Variants in CADM2 observed in about 807,000 individuals in gnomAD.
CADM2 encodes cell adhesion molecule 2.
CADM2 carries 12 observed loss-of-function variants against 49.8 expected under a neutral mutation model. That is an observed-to-expected ratio of 0.24 (90% CI 0.15 to 0.39). The LOEUF (loss-of-function observed/expected upper bound fraction) is 0.39. Ranked by LOEUF, CADM2 falls within the 10% of genes least tolerant of loss-of-function variation. The pLI is 1.00. For missense variants in CADM2, 378 were observed against 492.3 expected (o/e 0.77, Z 2.20); for synonymous variants, 214 against 175.4 (o/e 1.22, Z -1.74).
intron 1 of CADM2, among the ~76,000 whole-genome samples, chr3:85,390,477 A>G (rs781120407): frequency 2.0e-5 from 3 of 152,088 alleles, no homozygotes; most frequent in Non-Finnish European, 4.4e-5. Flanking sequence ...GAACTCTGCT[A>G]CAGTCTAACA....
chr3:85,711,258 T>A (rs577229950), intron 1 of CADM2, among the ~76,000 whole-genome samples: 1 of 152,250 alleles, frequency 6.6e-6, no homozygotes, highest in South Asian at 2.1e-4. Flanking sequence ...ATCCCTGTGC[T>A]GGGACTTTGA....
intron 8 of CADM2, among the ~76,000 whole-genome samples, chr3:85,969,493 G>T (rs1725848313): frequency 6.6e-6 from 1 of 151,048 alleles, no homozygotes; most frequent in Admixed American, 6.6e-5. Context: ...TCTCAGTGAG[G>T]CCTTTTTTTT....
chr3:85,598,585 G>C (rs1467281719), intron 1 of CADM2, among the ~76,000 whole-genome samples: 1 of 151,694 alleles, frequency 6.6e-6, no homozygotes, highest in Non-Finnish European at 1.5e-5. Context: ...AAACACCACT[G>C]CTCTGGTAAT....
intron 1 of CADM2, among the ~76,000 whole-genome samples, chr3:85,069,197 G>C (rs1416841247): frequency 6.6e-6 from 1 of 151,678 alleles, no homozygotes; most frequent in African/African-American, 2.4e-5. Flanking sequence ...AAAAAAAAAA[G>C]ATTTGATACT....
intron 1 of CADM2, among the ~76,000 whole-genome samples, chr3:85,581,523 C>T (rs1207159594): frequency 6.6e-6 from 1 of 151,440 alleles, no homozygotes; most frequent in Non-Finnish European, 1.5e-5. Context: ...ATGCTTCAAG[C>T]TATCGAGTCA....
At chr3:85,053,419 G>T (rs1013539272) in intron 1 of CADM2, among the ~76,000 whole-genome samples, 6 of 151,868 alleles carry the variant, frequency 4.0e-5, no homozygotes, top group Non-Finnish European at 7.4e-5. Context: ...GAATTTGAAG[G>T]AAATAAAACA....
At chr3:85,160,931 T>C (rs2040303208) in intron 1 of CADM2, among the ~76,000 whole-genome samples, 1 of 152,222 alleles carries the variant, frequency 6.6e-6, no homozygotes, top group Admixed American at 6.5e-5. Context: ...CCCTATCTTA[T>C]CAGCCAGTTT....
At chr3:85,400,837 G>A (rs1576486162) in intron 1 of CADM2, among the ~76,000 whole-genome samples, 1 of 152,072 alleles carries the variant, frequency 6.6e-6, no homozygotes, top group African/African-American at 2.4e-5. Context: ...ACTTTCCAGG[G>A]CAGCCATGGC....
At chr3:85,015,428 A>G (rs1576038090) in intron 1 of CADM2, among the ~76,000 whole-genome samples, 1 of 152,176 alleles carries the variant, frequency 6.6e-6, no homozygotes, top group South Asian at 2.1e-4. Flanking sequence ...TTAAGTTTCA[A>G]TGCATCTCAA....
intron 1 of CADM2, among the ~76,000 whole-genome samples, chr3:85,539,121 C>T (rs74536028): frequency 2.4e-3 from 345 of 141,524 alleles, no homozygotes; most frequent in African/African-American, 7.4e-3. Flanking sequence ...ATTTAAATGA[C>T]AATTATTTAG....
At chr3:85,457,253 A>T (rs182595278) in intron 1 of CADM2, among the ~76,000 whole-genome samples, 20 of 152,110 alleles carry the variant, frequency 1.3e-4, no homozygotes, top group African/African-American at 4.8e-4. Flanking sequence ...TCTCTACAAA[A>T]TACATAAAAT....
chr3:85,717,247 C>A (rs2067325928), intron 1 of CADM2, among the ~76,000 whole-genome samples: 1 of 148,302 alleles, frequency 6.7e-6, no homozygotes, highest in Admixed American at 6.8e-5. Context: ...TATTTATTCT[C>A]TTTGTGGCAA....
At chr3:85,789,644 G>A (rs1028785899) in intron 2 of CADM2, among the ~76,000 whole-genome samples, 2 of 152,090 alleles carry the variant, frequency 1.3e-5, no homozygotes, top group Non-Finnish European at 2.9e-5. Flanking sequence ...GAAAAATCAT[G>A]TGTTCATTGA....
intron 1 of CADM2, among the ~76,000 whole-genome samples, chr3:85,571,744 A>G (rs1025585676): frequency 6.6e-6 from 1 of 152,170 alleles, no homozygotes; most frequent in African/African-American, 2.4e-5. Flanking sequence ...TTAGTAGATT[A>G]TAGCACCTGT....
At chr3:85,244,595 T>A (rs2042607410) in intron 1 of CADM2, among the ~76,000 whole-genome samples, 1 of 152,192 alleles carries the variant, frequency 6.6e-6, no homozygotes, top group Non-Finnish European at 1.5e-5. Flanking sequence ...TTATTTCTCA[T>A]TTTCCAAGCT....
intron 2 of CADM2, among the ~76,000 whole-genome samples, chr3:85,781,465 T>C (rs2070648509): frequency 6.6e-6 from 1 of 152,186 alleles, no homozygotes. Context: ...ATGAACACAA[T>C]GGAGAGTCTA....
At chr3:85,638,935 G>A (rs574143977) in intron 1 of CADM2, among the ~76,000 whole-genome samples, 1 of 151,800 alleles carries the variant, frequency 6.6e-6, no homozygotes, top group Non-Finnish European at 1.5e-5. Flanking sequence ...TTGTTTTGAA[G>A]AAGAAGAAGA....
At chr3:85,060,042 T>C (rs550693439) in intron 1 of CADM2, among the ~76,000 whole-genome samples, 1 of 152,346 alleles carries the variant, frequency 6.6e-6, no homozygotes, top group Non-Finnish European at 1.5e-5. Flanking sequence ...ATTTCAGTCT[T>C]TCTGATCTGA....
At chr3:85,206,299 T>A (rs554648259) in intron 1 of CADM2, among the ~76,000 whole-genome samples, 20 of 151,216 alleles carry the variant, frequency 1.3e-4, no homozygotes, top group Non-Finnish European at 2.9e-4. Context: ...TAGGTCTTTT[T>A]TTTTTTCTTT....
Sources: gnomAD v4.1 joint callset for allele counts (sites outside exome capture counted in the v4.1 genomes callset) on GRCh38, gnomAD v4.1.1 for gene constraint, MANE v1.5 for transcripts, NCBI Gene and HGNC (gene_info 2026-07-23, HGNC 2026-07-21) for gene names.